The following PLEKHA5 variants were observed in gnomAD, a reference collection of about 807,000 sequenced individuals.
PLEKHA5 encodes pleckstrin homology domain containing A5, also known as pleckstrin homology domain-containing family A member 5.
Under a neutral mutation model 181.9 loss-of-function variants are expected in PLEKHA5, and 55 were observed. The observed-to-expected ratio is 0.30, with a 90% CI of 0.24 to 0.38. PLEKHA5 has a LOEUF of 0.38. Ranked by LOEUF, PLEKHA5 falls within the 10% of genes least tolerant of loss-of-function variation. The pLI is 1.00. For missense variants in PLEKHA5, 1,432 were observed against 1,549.5 expected, an observed-to-expected ratio of 0.92 and a Z score of 1.27; for synonymous variants, 535 against 529.4, an observed-to-expected ratio of 1.01 and a Z score of -0.15.
At chr12:19,364,521 T>C (rs1180822386) in intron 29 of PLEKHA5, among the ~76,000 whole-genome samples, 1 of 151,384 alleles carries the variant, frequency 6.6e-6, no homozygotes, top group Non-Finnish European at 1.5e-5. Context: ...AAAAAAAAAA[T>C]ATATATGTGT....
intron 3 of PLEKHA5, among the ~76,000 whole-genome samples, chr12:19,184,705 G>C (rs2049409341): frequency 6.7e-6 from 1 of 150,246 alleles, no homozygotes; most frequent in African/African-American, 2.5e-5. Context: ...AATATTTTGG[G>C]TGTGGCTATA....
chr12:19,142,749 C>G (rs1000594885), intron 3 of PLEKHA5, among the ~76,000 whole-genome samples: 54 of 152,292 alleles, frequency 3.5e-4, no homozygotes, highest in African/African-American at 1.0e-3. Context: ...CTACTGTAGT[C>G]TCTAAATTTA....
At chr12:19,213,644 GATTCCTT>G (rs2057393963) in intron 3 of PLEKHA5, among the ~76,000 whole-genome samples, 1 of 152,194 alleles carries the variant, frequency 6.6e-6, no homozygotes, top group African/African-American at 2.4e-5. Flanking sequence ...ATAGGGCATA[GATTCCTT>G]AATGTTTGAA....
intron 15 of PLEKHA5, among the ~76,000 whole-genome samples, chr12:19,301,872 A>G (rs2081565551): frequency 6.6e-6 from 1 of 152,178 alleles, no homozygotes; most frequent in Non-Finnish European, 1.5e-5. Flanking sequence ...GAGTGGTTTC[A>G]ATAGGTAGCA....
chr12:19,159,376 A>T (rs569236911), intron 3 of PLEKHA5, among the ~76,000 whole-genome samples: 1 of 152,272 alleles, frequency 6.6e-6, no homozygotes, highest in East Asian at 1.9e-4. Flanking sequence ...TGATGTATTC[A>T]TAGTCTTAAA....
chr12:19,336,761 A>G (rs1340808658), intron 21 of PLEKHA5, 145 bp downstream of exon 21: 2 of 571,220 alleles, frequency 3.5e-6, no homozygotes, highest in Non-Finnish European at 6.1e-6. Flanking sequence ...TAATGACAGG[A>G]ATCTTACTAT....
chr12:19,308,745 A>C (rs536506628), intron 15 of PLEKHA5, among the ~76,000 whole-genome samples: 9 of 152,248 alleles, frequency 5.9e-5, no homozygotes, highest in Non-Finnish European at 1.2e-4. Context: ...TCTGGAAATG[A>C]GCATTTGAAA....
intron 3 of PLEKHA5, among the ~76,000 whole-genome samples, chr12:19,175,285 T>A (rs1385754230): frequency 1.3e-5 from 2 of 152,214 alleles, no homozygotes; most frequent in African/African-American, 4.8e-5. Flanking sequence ...TAGTACAGTA[T>A]TGATATTGAG....
chr12:19,363,451 G>A (rs1454523081), intron 29 of PLEKHA5, among the ~76,000 whole-genome samples: 1 of 150,930 alleles, frequency 6.6e-6, no homozygotes, highest in Admixed American at 6.6e-5. Context: ...ACAGGCGTGA[G>A]CCATCGTGCC....
chr12:19,140,820 G>A (rs1316750244), intron 3 of PLEKHA5, among the ~76,000 whole-genome samples: 1 of 152,064 alleles, frequency 6.6e-6, no homozygotes, highest in Non-Finnish European at 1.5e-5. Context: ...ACAGAGTCTC[G>A]CTCTGTTGCC....
At chr12:19,240,207 C>T (rs1314467610) in intron 3 of PLEKHA5, among the ~76,000 whole-genome samples, 2 of 151,996 alleles carry the variant, frequency 1.3e-5, no homozygotes, top group South Asian at 4.1e-4. Context: ...TTTGACTCTA[C>T]TGGAAAGAAT....
intron 21 of PLEKHA5, among the ~76,000 whole-genome samples, chr12:19,337,479 G>A (rs1390086127): frequency 6.7e-6 from 1 of 149,756 alleles, no homozygotes; most frequent in Non-Finnish European, 1.5e-5. Context: ...AACCCACGAG[G>A]TGGAGGTTGC....
chr12:19,221,176 C>G (rs1010328162), intron 3 of PLEKHA5, among the ~76,000 whole-genome samples: 5 of 152,140 alleles, frequency 3.3e-5, no homozygotes, highest in African/African-American at 1.2e-4. Flanking sequence ...AACATGTCCA[C>G]ACAAAAACCA....
intron 3 of PLEKHA5, among the ~76,000 whole-genome samples, chr12:19,183,902 A>G (rs1344600913): frequency 6.6e-6 from 1 of 151,950 alleles, no homozygotes; most frequent in Admixed American, 6.6e-5. Context: ...TTTTGTAGAG[A>G]CAGGGTTTCA....
rs368947428 is a variant in PLEKHA5, at chr12:19,225,274, G to A, written c.228-28666G>A. Among the ~76,000 whole-genome samples, 28 of 152,234 alleles carry A rather than the reference G, an allele frequency of 1.8e-4. No individual in the cohort carries two copies. The South Asian group carries it at 5.2e-3, about 28-fold the overall frequency. On this transcript the variant is annotated intron_variant, in intron 3 of 31. Coordinates refer to ENST00000429027, the MANE Select transcript of PLEKHA5 (RefSeq NM_001256470.2). The stretch of plus-strand genomic sequence containing the variant: ...GAGATGATAAACCATTGCCTACTGC[G>A]TGTGTCAGAGCATGTAGTCCTTTTC...
chr12:19,140,412 C>A (rs947203515), intron 3 of PLEKHA5, among the ~76,000 whole-genome samples: 2 of 152,114 alleles, frequency 1.3e-5, no homozygotes, highest in African/African-American at 4.8e-5. Flanking sequence ...AAGAGGTCCT[C>A]ATGAGGTACA....
chr12:19,298,223 G>A (rs530761403), intron 15 of PLEKHA5, among the ~76,000 whole-genome samples: 5 of 151,900 alleles, frequency 3.3e-5, no homozygotes, highest in African/African-American at 9.7e-5. Context: ...GAGTAGGAGG[G>A]ACAGAGATAA....
chr12:19,350,479 A>G (rs1471457251), intron 25 of PLEKHA5, among the ~76,000 whole-genome samples: 1 of 152,178 alleles, frequency 6.6e-6, no homozygotes, highest in Non-Finnish European at 1.5e-5. Context: ...AAAAACATCA[A>G]AGTGAGGCCA....
Position 19,336,544 on chromosome 12 carries a change from T to C in PLEKHA5, c.2478T>C (p.Asp826=), listed in dbSNP as rs1391714977. The change falls in exon 21 of 32, where the codon GAT becomes GAC. Residue 826 remains aspartate, a synonymous_variant. Coordinates refer to ENST00000429027, the MANE Select transcript of PLEKHA5 (RefSeq NM_001256470.2). The part of the protein sequence containing the change: ...AELERAWREY[D]KLEYDVTVTR... ...TGGAACGAGCATGGAGAGAATATGA[T>C]AAGTTAGAATACGATGTAACTGTTA... 6.2e-7 allele frequency: 1 copy of C among 1,607,372 alleles called. No individual in the cohort carries two copies. The highest frequency in any genetic ancestry group is 1.3e-5 in the African/African-American group (1 of 74,786).
Sources: gnomAD v4.1 joint callset for allele counts (sites outside exome capture counted in the v4.1 genomes callset) on GRCh38, gnomAD v4.1.1 for gene constraint, MANE v1.5 for transcripts, NCBI Gene and HGNC (gene_info 2026-07-23, HGNC 2026-07-21) for gene names.